ANO2: variants seen among roughly 807,000 people sequenced by gnomAD.
ANO2 encodes the protein anoctamin 2, also known as anoctamin-2.
A neutral mutation model predicts 124.2 loss-of-function variants in ANO2; 101 were observed. The observed-to-expected ratio is 0.81, with a 90% confidence interval of 0.69 to 0.96. ANO2 has a LOEUF of 0.96. Among genes scored for constraint, ANO2 ranks in the 40% least tolerant of loss-of-function variants. The pLI is 0.00. For missense variants in ANO2, 1,293 were observed against 1,274.5 expected (o/e 1.01, Z -0.22); for synonymous variants, 486 against 482.5 (o/e 1.01, Z -0.09).
chr12:5,732,653 G>A, intron 13 of ANO2, 23 bp from the exon 14 acceptor site: 2 of 1,600,908 alleles, frequency 1.2e-6, no homozygotes, highest in Admixed American at 1.7e-5. Context: ...GCAGTGAGTG[G>A]TTAGTAAACA....
chr12:5,857,308 T>G (rs911226209), intron 3 of ANO2, among the ~76,000 whole-genome samples: 1 of 152,192 alleles, frequency 6.6e-6, no homozygotes, highest in African/African-American at 2.4e-5. Context: ...AATCCTTAGT[T>G]ATTGTGAATA....
chr12:5,812,320 G>T, intron 7 of ANO2, among the ~76,000 whole-genome samples: 1 of 118,426 alleles, frequency 8.4e-6, no homozygotes, highest in African/African-American at 3.2e-5. Context: ...AGGAAGGAAG[G>T]GAGGGAGGGA....
At chr12:5,574,811 A>C (rs573438588) in intron 23 of ANO2, among the ~76,000 whole-genome samples, 6 of 152,334 alleles carry the variant, frequency 3.9e-5, no homozygotes, top group African/African-American at 1.4e-4. Context: ...ACACTAAAAA[A>C]GTCCAGTGTC....
At position 5,635,347 on chromosome 12, in the gene ANO2, T is replaced by A; in HGVS notation, c.1621A>T (p.Ile541Phe). 6.4e-7 allele frequency: 1 copy of A among 1,557,716 alleles called. No homozygotes were observed. The stretch of plus-strand genomic sequence containing the variant: ...AAGACGATTGAGAATGTCAGGGCAA[T>A]CTGTTTGGGAAAACAGAGAGAAGTA... ...LMNFASILFM[I>F]ALTFSIVFGV... is the part of the protein sequence containing the mutation. Residue 541 changes from isoleucine (I) to phenylalanine (F), a missense_variant and splice_region_variant, in exon 16 of 25, where the codon ATT (isoleucine) becomes TTT (phenylalanine). Ile to Phe is a conservative substitution (Grantham distance 21). Coordinates refer to ENST00000682330, the MANE Select transcript of ANO2 (RefSeq NM_001364791.2). This position sits in a 1 kb window ranked among gnomAD's most constrained non-coding sequence, Gnocchi z 5.2.
chr12:5,588,104 G>A (rs888206821), intron 20 of ANO2, among the ~76,000 whole-genome samples: 5 of 135,716 alleles, frequency 3.7e-5, no homozygotes, highest in African/African-American at 1.7e-4. Flanking sequence ...CACACCAGAG[G>A]CGGGGGGCAG....
At chr12:5,817,091 C>A (rs922957705) in intron 7 of ANO2, among the ~76,000 whole-genome samples, 4 of 152,126 alleles carry the variant, frequency 2.6e-5, no homozygotes, top group Non-Finnish European at 4.4e-5. Context: ...CAATAAAAAA[C>A]CTCAATGTTA....
intron 3 of ANO2, among the ~76,000 whole-genome samples, chr12:5,882,013 G>A (rs1452620657): frequency 6.6e-6 from 1 of 152,208 alleles, no homozygotes; most frequent in African/African-American, 2.4e-5. Flanking sequence ...GCTAGAGAAG[G>A]CAAAGAAAGA....
In ANO2 at chr12:5,578,113, T is replaced by G. The variant is rs1424035303; in HGVS notation, c.2387-106A>C. ...TTGCAGGTGAACTACGGAGCAGCTT[T>G]GCTGGGCCCCCCCAGAATGGGCTTG... On this transcript the variant is annotated intron_variant, in intron 21 of 24. Transcript: ENST00000682330. 5 of 1,403,074 alleles carry G rather than the reference T, an allele frequency of 3.6e-6. No individual in the cohort carries two copies. In the Admixed American group the frequency reaches 9.8e-5, roughly 27 times the overall value. The allele number at this position is 1,403,074 out of a possible 1,614,324, so 86.9% of individuals were successfully genotyped here. A position where few individuals can be genotyped will look rare whatever the true frequency, so the allele number is the denominator to read the frequency against.
intron 7 of ANO2, among the ~76,000 whole-genome samples, chr12:5,815,700 G>T (rs1174986086): frequency 6.6e-6 from 1 of 151,976 alleles, no homozygotes; most frequent in African/African-American, 2.4e-5. Context: ...TTGCATATGT[G>T]TTCTATTTTC....
At chr12:5,922,906 C>T (rs1022412563) in intron 1 of ANO2, 102 bp from the exon 2 acceptor site, 11 of 1,237,510 alleles carry the variant, frequency 8.9e-6, no homozygotes, top group Middle Eastern at 2.2e-4. Context: ...GAGAAAATGG[C>T]CCATTTTGCT....
chr12:5,718,459 C>T (rs547940874), intron 14 of ANO2, among the ~76,000 whole-genome samples: 71 of 152,320 alleles, frequency 4.7e-4, no homozygotes, highest in South Asian at 2.5e-3. Context: ...AAACGTAGTT[C>T]ACCCAACGTC....
intron 20 of ANO2, among the ~76,000 whole-genome samples, chr12:5,587,949 C>T (rs1409633798): frequency 6.6e-6 from 1 of 152,232 alleles, no homozygotes; most frequent in African/African-American, 2.4e-5. Flanking sequence ...CCCCTGCTGC[C>T]TCCCTCCGTT....
intron 4 of ANO2, among the ~76,000 whole-genome samples, chr12:5,840,560 T>A (rs536463914): frequency 6.6e-6 from 1 of 152,016 alleles, no homozygotes; most frequent in Non-Finnish European, 1.5e-5. Flanking sequence ...TGCACAAACA[T>A]TGGGAGATCC....
At chr12:5,631,962 T>C (rs1434863430) in intron 16 of ANO2, among the ~76,000 whole-genome samples, 2 of 151,994 alleles carry the variant, frequency 1.3e-5, no homozygotes, top group Non-Finnish European at 1.5e-5. Context: ...TAGAGGCCCA[T>C]TGAAAGAGGC....
intron 16 of ANO2, among the ~76,000 whole-genome samples, chr12:5,633,292 T>C (rs187355119): frequency 2.6e-5 from 4 of 152,282 alleles, no homozygotes; most frequent in African/African-American, 9.6e-5. Flanking sequence ...AGTTCTAAGT[T>C]CACAGGGCTG....
intron 4 of ANO2, among the ~76,000 whole-genome samples, chr12:5,850,520 T>A (rs1954853062): frequency 6.6e-6 from 1 of 151,992 alleles, no homozygotes; most frequent in Admixed American, 6.6e-5. Context: ...CAAGAAACTT[T>A]GGGAAAAAGT....
At chr12:5,742,886 G>A (rs1471678454) in intron 12 of ANO2, among the ~76,000 whole-genome samples, 2 of 152,022 alleles carry the variant, frequency 1.3e-5, no homozygotes, top group African/African-American at 4.8e-5. Context: ...AACCCTGCCT[G>A]TGAACAGTCC....
At chr12:5,916,049 G>A (rs1941356668) in intron 3 of ANO2, among the ~76,000 whole-genome samples, 1 of 152,106 alleles carries the variant, frequency 6.6e-6, no homozygotes, top group African/African-American at 2.4e-5. Flanking sequence ...GGCTGAGGTG[G>A]GTGGATCTCT....
intron 14 of ANO2, among the ~76,000 whole-genome samples, chr12:5,687,453 C>T (rs11063822): frequency 0.63 from 96,128 of 152,144 alleles, 31,383 homozygotes; most frequent in Middle Eastern, 0.75. Flanking sequence ...ATACTTCCAA[C>T]GAAGCATGTG....
Sources: allele counts gnomAD v4.1 joint callset (sites outside exome capture counted in the v4.1 genomes callset), GRCh38; gene constraint gnomAD v4.1.1; non-coding constraint Gnocchi (gnomAD v3.1); transcripts MANE v1.5; gene names NCBI Gene and HGNC (gene_info 2026-07-23, HGNC 2026-07-21).